The following KIF26B variants were observed in gnomAD, a reference collection of about 807,000 sequenced individuals.
KIF26B encodes kinesin family member 26B.
A neutral mutation model predicts 151.2 loss-of-function variants in KIF26B; 63 were observed. That is an observed-to-expected ratio of 0.42 (90% confidence interval 0.34 to 0.51). The LOEUF (loss-of-function observed/expected upper bound fraction) is 0.51, where lower values mean the gene tolerates loss of function less well. Ranked by LOEUF, KIF26B falls within the 20% of genes least tolerant of loss-of-function variation. The probability of loss-of-function intolerance (pLI) is 0.07; values close to 1 mark genes in which losing one functional copy is unlikely to be tolerated. For missense variants in KIF26B, 2,813 were observed against 2,913.6 expected (o/e 0.97, Z 0.79); for synonymous variants, 1,357 against 1,262.1 (o/e 1.08, Z -1.59).
chr1:245,358,544 C>G lies in KIF26B; in HGVS notation c.466-8290C>G, dbSNP rs916078247. Among the ~76,000 whole-genome samples, 2 of 151,878 alleles carry G rather than the reference C, an allele frequency of 1.3e-5. No homozygotes were observed. Among genetic ancestry groups the G allele is most frequent in the African/African-American group, 4.9e-5 (2 of 41,176 alleles). On this transcript the variant is annotated intron_variant, in intron 2 of 14. Transcript: ENST00000407071. The surrounding 1 kb of genome is among the most constrained non-coding windows in gnomAD (Gnocchi z 4.1). ...CAAAACAAAACAAAACAAAACAAAACAGCCAAGTACATTTATGCAGCATTT... is the reference window on the plus strand; with the variant it reads ...CAAAACAAAACAAAACAAAACAAAAGAGCCAAGTACATTTATGCAGCATTT...
At chr1:245,672,563 G>A (rs552937791) in intron 10 of KIF26B, among the ~76,000 whole-genome samples, 10 of 152,148 alleles carry the variant, frequency 6.6e-5, no homozygotes, top group Non-Finnish European at 1.5e-4. Context: ...CAGCCTGATG[G>A]AGCAAGGTTA....
chr1:245,630,413 T>A (rs2043768358), intron 9 of KIF26B, among the ~76,000 whole-genome samples: 1 of 152,216 alleles, frequency 6.6e-6, no homozygotes. Context: ...TAAAAAAGAA[T>A]GAGATCATGT....
chr1:245,665,841 T>C (rs139985325), intron 10 of KIF26B, among the ~76,000 whole-genome samples: 7,347 of 150,298 alleles, frequency 0.049, 536 homozygotes, highest in African/African-American at 0.16. Context: ...CGCACCACCA[T>C]GCCCAGCTAA....
chr1:245,686,813 C>G lies in KIF26B; in HGVS notation c.3830C>G (p.Ser1277Cys). Residue 1277 changes from serine to cysteine, a missense_variant, in exon 12 of 15, where the codon TCC becomes TGC. Physicochemically the swap from Ser to Cys is moderately radical, Grantham distance 112. Around this residue, in one of 3 missense-constraint regions of KIF26B, gnomAD observed 2,060 missense variants for 2,088.6 expected, o/e 0.99. Transcript: ENST00000407071. The surrounding 1 kb of genome is among the most constrained non-coding windows in gnomAD (Gnocchi z 5.6). ...CAGGACGCAGGGAGCAGACGCTCTT[C>G]CATCAGCTCCTGGCTGAGCGAGATG... ...KAQDAGSRRS[S>C]ISSWLSEMSA... 1 of 1,613,604 alleles carries G rather than the reference C, an allele frequency of 6.2e-7. No individual in the cohort carries two copies. Among genetic ancestry groups the G allele is most frequent in the Non-Finnish European group, 8.5e-7 (1 of 1,179,806 alleles).
chr1:245,314,973 G>A (rs1303531758), intron 2 of KIF26B, among the ~76,000 whole-genome samples: 2 of 152,128 alleles, frequency 1.3e-5, no homozygotes, highest in Non-Finnish European at 2.9e-5. Context: ...CTGAGGTCGG[G>A]AGTTGGAGAC....
chr1:245,243,443 TATATACACACACAC>T (rs1415980692), intron 2 of KIF26B, among the ~76,000 whole-genome samples: 2 of 143,432 alleles, frequency 1.4e-5, no homozygotes, highest in African/African-American at 5.2e-5. Flanking sequence ...TACATATATA[TATATACACACACAC>T]ACACACACAC....
chr1:245,319,926 G>C (rs898157827), intron 2 of KIF26B, among the ~76,000 whole-genome samples: 4 of 152,186 alleles, frequency 2.6e-5, no homozygotes, highest in Non-Finnish European at 5.9e-5. Flanking sequence ...AATGATTTGG[G>C]AGTATAAGAA....
Position 245,565,524 on chromosome 1 carries a change from A to G in KIF26B, c.1350+24574A>G, listed in dbSNP as rs1216569585. Among the ~76,000 whole-genome samples the G allele has an allele frequency of 4.6e-5, 7 of 152,086 alleles. 1 individual carries two copies. Among genetic ancestry groups the G allele is most frequent in the African/African-American group, 1.7e-4 (7 of 41,410 alleles). On this transcript the variant is annotated intron_variant, in intron 5 of 14. Coordinates refer to ENST00000407071, the MANE Select transcript of KIF26B (RefSeq NM_018012.4). ...AGGCTGCTCTCAAACTTCTGGCCTC[A>G]AGCAAGTTGCCCTCCCGGGCCTCCC...
rs190637518 is a variant in KIF26B, at chr1:245,367,144, G to T, written c.776G>T (p.Gly259Val). 1,193 of 1,601,854 alleles carry T rather than the reference G, an allele frequency of 7.4e-4. 15 individuals are homozygous for T. In the South Asian group the frequency reaches 0.012, roughly 16 times the overall value. Residue 259 changes from glycine to valine, a missense_variant, in exon 3 of 15, where the codon GGC (glycine) becomes GTC (valine). This residue lies in a region of KIF26B where 676 missense variants were observed against 688.1 expected (regional missense o/e 0.98). Coordinates refer to ENST00000407071, the MANE Select transcript of KIF26B (RefSeq NM_018012.4). The surrounding 1 kb of genome is among the most constrained non-coding windows in gnomAD (Gnocchi z 4.2). ...PAPCATSNYT[G>V]FANKHGSKPS... ...CCCTGTGCCACCTCCAACTACACAGGCTTCGCCAACAAGCACGGCAGCAAA... is the reference window on the plus strand; with the variant it reads ...CCCTGTGCCACCTCCAACTACACAGTCTTCGCCAACAAGCACGGCAGCAAA...
At chr1:245,570,388 C>A (rs1254876284) in intron 5 of KIF26B, among the ~76,000 whole-genome samples, 1 of 152,174 alleles carries the variant, frequency 6.6e-6, no homozygotes, top group African/African-American at 2.4e-5. Flanking sequence ...ATTTTTTCCT[C>A]GTGATGTTAC....
intron 3 of KIF26B, among the ~76,000 whole-genome samples, chr1:245,399,338 G>A (rs1193349293): frequency 6.6e-6 from 1 of 152,198 alleles, no homozygotes; most frequent in Non-Finnish European, 1.5e-5. Flanking sequence ...CCCCTTCTAT[G>A]TGAAGTGTTT....
chr1:245,289,729 G>A (rs1671225753), intron 2 of KIF26B, among the ~76,000 whole-genome samples: 1 of 152,102 alleles, frequency 6.6e-6, no homozygotes, highest in Non-Finnish European at 1.5e-5. Context: ...AGGAGAGTTG[G>A]GAGTTTATTC....
intron 2 of KIF26B, among the ~76,000 whole-genome samples, chr1:245,322,352 A>T (rs183633675): frequency 2.0e-5 from 3 of 152,190 alleles, no homozygotes; most frequent in African/African-American, 7.2e-5. Flanking sequence ...ACAAACCTGC[A>T]TGTTCTGCAC....
rs185583879 is a variant in KIF26B, at chr1:245,579,731, C to A, written c.1351-22846C>A. Reference sequence around the variant, plus strand: ...GGTGTGGTGGCACATGCCTGTAATCCCAGCTGCTTGGGAGGCTGAGGCAGG... The same window carrying A: ...GGTGTGGTGGCACATGCCTGTAATCACAGCTGCTTGGGAGGCTGAGGCAGG... On this transcript the variant is annotated intron_variant, in intron 5 of 14. Transcript: ENST00000407071. 3.9e-4 allele frequency among the ~76,000 whole-genome samples: 59 copies of A among 152,176 alleles called. 2 individuals are homozygous for A. The East Asian group carries it at 0.011, about 28-fold the overall frequency.
intron 10 of KIF26B, among the ~76,000 whole-genome samples, chr1:245,665,339 T>A (rs367968120): frequency 2.6e-5 from 4 of 152,076 alleles, no homozygotes; most frequent in Non-Finnish European, 5.9e-5. Context: ...CTGGAGTACT[T>A]TTTTTGTAGA....
At chr1:245,323,327 A>G (rs1671922832) in intron 2 of KIF26B, among the ~76,000 whole-genome samples, 1 of 152,158 alleles carries the variant, frequency 6.6e-6, no homozygotes, top group Admixed American at 6.5e-5. Flanking sequence ...TTCATTTTAT[A>G]AATGTGGTTG....
chr1:245,556,088 C>T (rs1329803958), intron 5 of KIF26B, among the ~76,000 whole-genome samples: 1 of 152,190 alleles, frequency 6.6e-6, no homozygotes, highest in Admixed American at 6.5e-5. Context: ...GACACTGGCT[C>T]CAGGTGGACA....
intron 12 of KIF26B, among the ~76,000 whole-genome samples, chr1:245,692,802 T>C (rs1343150978): frequency 6.6e-6 from 1 of 152,220 alleles, no homozygotes; most frequent in African/African-American, 2.4e-5. Context: ...ATGATGTTGC[T>C]TTTATTGATG....
At chr1:245,618,215 G>A (rs1254718778) in intron 9 of KIF26B, among the ~76,000 whole-genome samples, 1 of 152,220 alleles carries the variant, frequency 6.6e-6, no homozygotes, top group East Asian at 1.9e-4. Flanking sequence ...TGTGGGGGAT[G>A]TTATGCTTTT....
Sources: allele counts gnomAD v4.1 joint callset (sites outside exome capture counted in the v4.1 genomes callset), GRCh38; gene constraint gnomAD v4.1.1; regional missense constraint gnomAD v4.1.1; non-coding constraint Gnocchi (gnomAD v3.1); transcripts MANE v1.5; gene names NCBI Gene and HGNC (gene_info 2026-07-23, HGNC 2026-07-21).